Variants in TADA1 observed in about 807,000 individuals in gnomAD.
TADA1 encodes transcriptional adapter 1.
A neutral mutation model predicts 39.3 loss-of-function variants in TADA1; 23 were observed. The ratio of observed to expected loss-of-function variants is 0.58; its 90% CI spans 0.42 to 0.83. TADA1 has a LOEUF of 0.83. Among genes scored for constraint, TADA1 ranks in the 40% least tolerant of loss-of-function variants. TADA1 has a pLI of 0.00. For synonymous variants in TADA1, 137 were observed against 151.8 expected (o/e 0.90, Z 0.72); for missense variants, 352 against 408.1 (o/e 0.86, Z 1.18).
Position 166,856,531 on chromosome 1 carries a change from T to C in TADA1, c.*1036A>G, listed in dbSNP as rs1489433862. The C allele has an allele frequency of 6.6e-6, 1 of 152,458 alleles. No individual in the cohort carries two copies. Among genetic ancestry groups the C allele is most frequent in the Non-Finnish European group, 1.5e-5 (1 of 68,024 alleles). The allele number at this position is 152,458 out of a possible 1,614,324, so 9.4% of individuals were successfully genotyped here. A position where few individuals can be genotyped will look rare whatever the true frequency, so the allele number is the denominator to read the frequency against. Reference sequence around the variant, plus strand: ...AAAGTTTTCTCCCAAAAGGTTTATTTGTCACATTTAAAGTACAAAATCAAA... The same window carrying C: ...AAAGTTTTCTCCCAAAAGGTTTATTCGTCACATTTAAAGTACAAAATCAAA... On this transcript the variant is annotated 3_prime_UTR_variant, in exon 8 of 8. Coordinates refer to ENST00000367874, the MANE Select transcript of TADA1 (RefSeq NM_053053.4).
intron 7 of TADA1, among the ~76,000 whole-genome samples, 153 bp from the exon 8 acceptor site, chr1:166,857,872 A>G (rs898028597): frequency 6.6e-6 from 1 of 152,266 alleles, no homozygotes; most frequent in African/African-American, 2.4e-5. Context: ...TAATAAGGAA[A>G]TAACAAGCTT....
intron 1 of TADA1, among the ~76,000 whole-genome samples, chr1:166,875,884 GC>G (rs1461862429): frequency 1.3e-5 from 2 of 152,328 alleles, no homozygotes; most frequent in East Asian, 3.9e-4. Flanking sequence ...GCCCTTGGGT[GC>G]GAAGTGCGCT....
At chr1:166,873,053 T>C (rs1658689215) in intron 1 of TADA1, among the ~76,000 whole-genome samples, 1 of 152,006 alleles carries the variant, frequency 6.6e-6, no homozygotes, top group Non-Finnish European at 1.5e-5. Flanking sequence ...TGTGGATCAC[T>C]TGAGGTCAGG....
intron 1 of TADA1, among the ~76,000 whole-genome samples, chr1:166,875,817 C>T (rs1419704991): frequency 6.6e-6 from 1 of 152,248 alleles, no homozygotes; most frequent in Non-Finnish European, 1.5e-5. Context: ...CTCACTCCGC[C>T]CAAGTCAGCC....
intron 1 of TADA1, among the ~76,000 whole-genome samples, chr1:166,874,239 G>A (rs1240028340): frequency 6.6e-6 from 1 of 151,756 alleles, no homozygotes; most frequent in Non-Finnish European, 1.5e-5. Context: ...TACTCAGGAG[G>A]CTGAGGCAGA....
chr1:166,865,169 T>C (rs1008766877), intron 3 of TADA1, among the ~76,000 whole-genome samples: 4 of 152,060 alleles, frequency 2.6e-5, no homozygotes. Context: ...CGCAGAAAAC[T>C]TTCAGAACAT....
intron 1 of TADA1, among the ~76,000 whole-genome samples, chr1:166,871,746 T>TA (rs1441072659): frequency 6.6e-6 from 1 of 152,018 alleles, no homozygotes; most frequent in Non-Finnish European, 1.5e-5. Context: ...TACATTTTTT[T>TA]AAAGGACAGG....
intron 1 of TADA1, among the ~76,000 whole-genome samples, chr1:166,870,152 C>A (rs961769785): frequency 6.6e-6 from 1 of 152,164 alleles, no homozygotes; most frequent in African/African-American, 2.4e-5. Flanking sequence ...TGTGTCCCCC[C>A]ACAAAAGTCC....
At chr1:166,867,018 T>C (rs192283843) in intron 3 of TADA1, among the ~76,000 whole-genome samples, 2 of 152,356 alleles carry the variant, frequency 1.3e-5, no homozygotes, top group East Asian at 3.9e-4. Flanking sequence ...GCGCTGGGAT[T>C]ACAGACATGA....
chr1:166,868,432 C>T (rs563242393), intron 3 of TADA1, among the ~76,000 whole-genome samples: 1 of 151,954 alleles, frequency 6.6e-6, no homozygotes, highest in South Asian at 2.1e-4. Context: ...TCCCCCACCT[C>T]CCCACTACGG....
At chr1:166,860,968 TA>T (rs1395926410) in intron 5 of TADA1, among the ~76,000 whole-genome samples, 1 of 152,170 alleles carries the variant, frequency 6.6e-6, no homozygotes, top group Non-Finnish European at 1.5e-5. Context: ...AATGACTTTT[TA>T]AAAAGAGACA....
chr1:166,866,209 G>T (rs1321639819), intron 3 of TADA1, among the ~76,000 whole-genome samples: 1 of 152,228 alleles, frequency 6.6e-6, no homozygotes. Context: ...GCCTAACCCT[G>T]ACAAAATGGA....
chr1:166,872,991 G>A (rs1284893725), intron 1 of TADA1, among the ~76,000 whole-genome samples: 2 of 152,170 alleles, frequency 1.3e-5, no homozygotes, highest in Non-Finnish European at 2.9e-5. Context: ...GATCATGGCC[G>A]GACGCAGTGA....
At position 166,867,415 on chromosome 1, in the gene TADA1, C is replaced by T. The variant is rs374946879; in HGVS notation, c.232+2030G>A. 5.1e-4 allele frequency among the ~76,000 whole-genome samples: 78 copies of T among 152,190 alleles called. 1 individual carries two copies. Among genetic ancestry groups the T allele is most frequent in the South Asian group, 1.0e-3 (5 of 4,818 alleles). On this transcript the variant is annotated intron_variant, in intron 3 of 7. Coordinates refer to ENST00000367874, the MANE Select transcript of TADA1 (RefSeq NM_053053.4). ...CTACTTGTATATAAATTAAATAGCA[C>T]ATCAAAAATCTGACACAGTGTAAGA...
chr1:166,856,873 C>T lies in TADA1; in HGVS notation c.*694G>A, dbSNP rs1658290248. The T allele has an allele frequency of 1.3e-5, 2 of 152,304 alleles. No homozygotes were observed. 9.4% of individuals were successfully genotyped at this position (152,304 alleles called of 1,614,324 possible). Reference sequence around the variant, plus strand: ...GAAACTGCCAATCAAAGTTTTTGGGCATATTTAACAAAACTTGAGTCATGG... The same window carrying T: ...GAAACTGCCAATCAAAGTTTTTGGGTATATTTAACAAAACTTGAGTCATGG... On this transcript the variant is annotated 3_prime_UTR_variant, in exon 8 of 8. Coordinates refer to ENST00000367874, the MANE Select transcript of TADA1 (RefSeq NM_053053.4).
chr1:166,876,264 C>A lies in TADA1; in HGVS notation c.-31G>T. 3 of 1,606,806 alleles carry A rather than the reference C, an allele frequency of 1.9e-6. No individual in the cohort carries two copies. The highest frequency in any genetic ancestry group is 1.1e-5 in the South Asian group (1 of 89,652). ...CGCGTGTCTCAGCCCGACCGCAGAC[C>A]GCCCGGCCACCGCGATCAACAACCC... On this transcript the variant is annotated 5_prime_UTR_variant, in exon 1 of 8. Coordinates refer to ENST00000367874, the MANE Select transcript of TADA1 (RefSeq NM_053053.4).
At chr1:166,861,249 AG>A (rs1658406776) in intron 5 of TADA1, among the ~76,000 whole-genome samples, 1 of 152,232 alleles carries the variant, frequency 6.6e-6, no homozygotes, top group African/African-American at 2.4e-5. Flanking sequence ...AGCCAGCATC[AG>A]GCAGGGTGTT....
chr1:166,857,601 C>A lies in TADA1; in HGVS notation c.974G>T (p.Arg325Leu), dbSNP rs148301602. 2.4e-5 allele frequency: 39 copies of A among 1,614,078 alleles called. No individual in the cohort carries two copies. The highest frequency in any genetic ancestry group is 3.1e-5 in the Non-Finnish European group (37 of 1,180,052). The stretch of plus-strand genomic sequence containing the variant: ...CAAAAGCCCCTCCTTGGCTGCCAAG[C>A]GCTGGCGGTGAACTTTGTCTTGCTG... ...ELQQDKVHRQ[R>L]LAAKEGLLLC The change falls in exon 8 of 8, where the codon CGC becomes CTC. Residue 325 changes from arginine (R) to leucine (L), a missense_variant. Around this residue, in one of 3 missense-constraint regions of TADA1, gnomAD observed 285 missense variants for 310.9 expected, o/e 0.92. Transcript: ENST00000367874.
intron 5 of TADA1, among the ~76,000 whole-genome samples, 175 bp downstream of exon 5, chr1:166,862,028 C>T (rs182346716): frequency 6.6e-5 from 10 of 152,226 alleles, no homozygotes; most frequent in Admixed American, 5.9e-4. Context: ...CACTGCACTC[C>T]AGCCTGGGAG....
Sources: allele counts gnomAD v4.1 joint callset (sites outside exome capture counted in the v4.1 genomes callset), GRCh38; gene constraint gnomAD v4.1.1; regional missense constraint gnomAD v4.1.1; transcripts MANE v1.5; gene names NCBI Gene and HGNC (gene_info 2026-07-23, HGNC 2026-07-21).